The following MCF2L variants were observed in gnomAD, a reference collection of about 807,000 sequenced individuals.
MCF2L encodes the protein guanine nucleotide exchange factor DBS.
In MCF2L, 97 loss-of-function variants were observed where a neutral mutation model predicts 153.4. That is an observed-to-expected ratio of 0.63 (90% CI 0.54 to 0.75). The LOEUF is 0.75. Ranked by LOEUF, MCF2L falls within the 30% of genes least tolerant of loss-of-function variation. The pLI is 0.00. For missense variants in MCF2L, 1,347 were observed against 1,495.2 expected, an observed-to-expected ratio of 0.90 and a Z score of 1.64; for synonymous variants, 659 against 632.2, an observed-to-expected ratio of 1.04 and a Z score of -0.64.
intron 1 of MCF2L, among the ~76,000 whole-genome samples, chr13:112,990,663 A>G (rs1268579830): frequency 6.6e-6 from 1 of 152,190 alleles, no homozygotes; most frequent in African/African-American, 2.4e-5. Context: ...TTCTGTGTGG[A>G]GCTAAGAACA....
At position 113,037,646 on chromosome 13, in the gene MCF2L, A is replaced by C. The variant is rs77623344; in HGVS notation, c.279-7625A>C. On this transcript the variant is annotated intron_variant, in intron 3 of 29. Coordinates refer to ENST00000535094, the MANE Select transcript of MCF2L (RefSeq NM_001112732.3). ...AAACCTGGGTAAAATTTTGTTTAAA[A>C]ATATGTTTGAGGGATTGAGAGGCTG... 4.5e-3 allele frequency among the ~76,000 whole-genome samples: 689 copies of C among 152,288 alleles called. 24 individuals carry two copies. The East Asian group carries it at 0.093, about 20-fold the overall frequency.
chr13:113,088,114 T>C (rs564567573), intron 23 of MCF2L, among the ~76,000 whole-genome samples: 33 of 152,256 alleles, frequency 2.2e-4, no homozygotes, highest in Non-Finnish European at 4.1e-4. Flanking sequence ...GTGCCCTGGG[T>C]GCCAGGCACA....
chr13:112,957,318 T>C (rs1179069714), intron 2 of MCF2L: 1 of 152,220 alleles, frequency 6.6e-6, no homozygotes, highest in Non-Finnish European at 1.5e-5. Flanking sequence ...TTTTCAGAAA[T>C]GGAGTTCACA....
chr13:113,055,645 G>T (rs1235986990), intron 4 of MCF2L, among the ~76,000 whole-genome samples: 1 of 152,198 alleles, frequency 6.6e-6, no homozygotes, highest in Non-Finnish European at 1.5e-5. Context: ...CTGCCCTGGG[G>T]CGTCCCACTC....
In MCF2L at chr13:112,943,799, G is replaced by C. The variant is rs916877267; in HGVS notation, c.169+41428G>C. On this transcript the variant is annotated intron_variant, in intron 2 of 29. Coordinates refer to the MCF2L transcript ENST00000375608. This position sits in a 1 kb window ranked among gnomAD's most constrained non-coding sequence, Gnocchi z 4.2. ...CTGGAAGCCTCCACAGACTTCAGGC[G>C]GACCGGAAGGACCTGGCGGGAGGCG... 6.6e-6 allele frequency among the ~76,000 whole-genome samples: 1 copy of C among 152,070 alleles called. No individual in the cohort carries two copies. The highest frequency in any genetic ancestry group is 2.4e-5 in the African/African-American group (1 of 41,444).
chr13:112,949,282 G>A (rs531842519), intron 2 of MCF2L, among the ~76,000 whole-genome samples: 2 of 152,188 alleles, frequency 1.3e-5, no homozygotes, highest in African/African-American at 2.4e-5. Flanking sequence ...AGGCCCAGAT[G>A]GTTTTTCTAA....
chr13:112,917,679 G>A (rs1228794540), intron 2 of MCF2L, among the ~76,000 whole-genome samples: 1 of 152,218 alleles, frequency 6.6e-6, no homozygotes, highest in Non-Finnish European at 1.5e-5. Flanking sequence ...TCCCCCTGAT[G>A]TTCTTTCAGG....
At chr13:113,090,474 G>C (rs983134890) in intron 26 of MCF2L, 2 of 980,730 alleles carry the variant, frequency 2.0e-6, no homozygotes, top group African/African-American at 3.6e-5. Context: ...TCTCAGGTGA[G>C]TTCCCTGCAG....
intron 5 of MCF2L, among the ~76,000 whole-genome samples, chr13:113,061,528 G>A (rs576646687): frequency 9.2e-5 from 14 of 152,188 alleles, no homozygotes; most frequent in Admixed American, 5.2e-4. Flanking sequence ...GGTGCAGGTC[G>A]CTCACTGTGA....
At chr13:113,025,281 A>G (rs75936498) in intron 3 of MCF2L, among the ~76,000 whole-genome samples, 1,395 of 23,822 alleles carry the variant, frequency 0.059, 207 homozygotes, top group South Asian at 0.11. Context: ...ACTGTGGGTC[A>G]GGGCAGAGTC....
At chr13:112,910,647 T>C (rs2081221119) in intron 2 of MCF2L, 1 of 152,268 alleles carries the variant, frequency 6.6e-6, no homozygotes, top group South Asian at 2.1e-4. Context: ...TCTTTTTGTT[T>C]TTCTGCATGA....
At position 113,070,515 on chromosome 13, in the gene MCF2L, G is replaced by C. The variant is rs968020067; in HGVS notation, c.996+342G>C. On this transcript the variant is annotated intron_variant, in intron 9 of 29. Coordinates refer to ENST00000535094, the MANE Select transcript of MCF2L (RefSeq NM_001112732.3). This position sits in a 1 kb window ranked among gnomAD's most constrained non-coding sequence, Gnocchi z 5.6. ...AACATGCATGTAGGATGTGCCTGCT[G>C]TGTGCCAGACTGTAGGACGGCGTCA... is the stretch of plus-strand genomic sequence containing the variant. The C allele has an allele frequency of 1.0e-4, 19 of 185,266 alleles. No homozygotes were observed. Among genetic ancestry groups the C allele is most frequent in the Non-Finnish European group, 5.5e-5 (5 of 90,284 alleles). 11.5% of individuals were successfully genotyped at this position (185,266 alleles called of 1,614,324 possible). A position where few individuals can be genotyped will look rare whatever the true frequency, so the allele number is the denominator to read the frequency against.
intron 25 of MCF2L, 141 bp downstream of exon 25, chr13:113,088,769 T>G (rs987131029): frequency 1.2e-6 from 1 of 829,116 alleles, no homozygotes. Flanking sequence ...GTTTATGTGC[T>G]GACGGGTCCG....
In MCF2L at chr13:112,947,851, T is replaced by G. The variant is rs114413424; in HGVS notation, c.169+45480T>G. Among the ~76,000 whole-genome samples the G allele has an allele frequency of 2.8e-3, 424 of 152,276 alleles. 1 individual carries two copies. The highest frequency in any genetic ancestry group is 9.6e-3 in the African/African-American group (399 of 41,550). ...CCTGGTGGAGACTCTCTGTGGTGGCTCTGTCCCTACAACAAGTCTCTGCCT... is the reference window on the plus strand; with the variant it reads ...CCTGGTGGAGACTCTCTGTGGTGGCGCTGTCCCTACAACAAGTCTCTGCCT... On this transcript the variant is annotated intron_variant, in intron 2 of 29. Coordinates refer to the MCF2L transcript ENST00000375608.
At chr13:113,089,171 C>T (rs1022132557) in intron 25 of MCF2L, among the ~76,000 whole-genome samples, 3 of 27,364 alleles carry the variant, frequency 1.1e-4, no homozygotes, top group Non-Finnish European at 1.7e-4. Context: ...ACTCCCCCGC[C>T]CCCCCCCCCG....
At chr13:112,902,368 A>G in exon 2 of MCF2L, 6 of 1,612,134 alleles carry the variant, frequency 3.7e-6, no homozygotes, top group Non-Finnish European at 4.2e-6. Flanking sequence ...GGCCATGGCC[A>G]CAGGTAGGCG....
At chr13:112,969,132 C>T (rs1405470999), upstream of MCF2L, 3 of 284,262 alleles carry the variant, frequency 1.1e-5, no homozygotes, top group Non-Finnish European at 1.2e-5. The surrounding 1 kb of genome is among the most constrained non-coding windows in gnomAD (Gnocchi z 4.8). Context: ...GGTGACACAC[C>T]GGGGCGGGCG....
At chr13:112,997,886 G>T (rs1420999630) in intron 1 of MCF2L, among the ~76,000 whole-genome samples, 1 of 152,254 alleles carries the variant, frequency 6.6e-6, no homozygotes, top group East Asian at 1.9e-4. Context: ...TCCTCTCCAG[G>T]CAGGGAGCAC....
chr13:113,026,863 C>A, intron 3 of MCF2L: 1 of 731,296 alleles, frequency 1.4e-6, no homozygotes, highest in East Asian at 2.5e-5. Flanking sequence ...TTCTGTGTCT[C>A]CCCAGCGGCG....
Sources: gnomAD v4.1 joint callset for allele counts (sites outside exome capture counted in the v4.1 genomes callset) on GRCh38, gnomAD v4.1.1 for gene constraint, Gnocchi (gnomAD v3.1) non-coding constraint, MANE v1.5 for transcripts, NCBI Gene and HGNC (gene_info 2026-07-23, HGNC 2026-07-21) for gene names.